Variants in KIF17 observed in about 807,000 individuals in gnomAD.
KIF17 encodes the protein kinesin family member 17.
A neutral mutation model predicts 96.8 loss-of-function variants in KIF17; 80 were observed. The ratio of observed to expected loss-of-function variants is 0.83; its 90% CI spans 0.69 to 1.00. KIF17 has a LOEUF of 1.00. Among genes scored for constraint, KIF17 ranks in the 50% least tolerant of loss-of-function variants. KIF17 has a pLI of 0.00. For missense variants in KIF17, 1,280 were observed against 1,372.9 expected (o/e 0.93, Z 1.07); for synonymous variants, 567 against 587.5 (o/e 0.97, Z 0.51).
In KIF17 at chr1:20,700,788, C is replaced by A. The variant is rs1351737290; in HGVS notation, c.1124-2300G>T. ...TAAACCAGCCGAACCCGAGTCCACA[C>A]CCCAAGCCACCTGCTGTATGTAACT... On this transcript the variant is annotated intron_variant, in intron 5 of 14. Transcript: ENST00000400463. This position sits in a 1 kb window ranked among gnomAD's most constrained non-coding sequence, Gnocchi z 4.6. Among the ~76,000 whole-genome samples, 2 of 152,122 alleles carry A rather than the reference C, an allele frequency of 1.3e-5. No individual in the cohort carries two copies. The highest frequency in any genetic ancestry group is 4.8e-5 in the African/African-American group (2 of 41,418).
rs763467780 is a variant in KIF17, at chr1:20,717,458, C to T, written c.231+18G>A. On this transcript the variant is annotated intron_variant, in intron 1 of 14. Coordinates refer to ENST00000400463, the MANE Select transcript of KIF17 (RefSeq NM_001122819.3). ...TCATGCCCTGCCGCCTGCAGGGCGGCCTGCCGGGCGCCCTCACCTCCACCA... is the reference window on the plus strand; with the variant it reads ...TCATGCCCTGCCGCCTGCAGGGCGGTCTGCCGGGCGCCCTCACCTCCACCA... 1 of 1,609,144 alleles carries T rather than the reference C, an allele frequency of 6.2e-7. No individual in the cohort carries two copies. Among genetic ancestry groups the T allele is most frequent in the Non-Finnish European group, 8.5e-7 (1 of 1,179,374 alleles).
intron 6 of KIF17, among the ~76,000 whole-genome samples, chr1:20,691,201 G>A (rs2054034082): frequency 6.6e-6 from 1 of 151,826 alleles, no homozygotes; most frequent in Non-Finnish European, 1.5e-5. Flanking sequence ...GCTGAGGCAT[G>A]AGACCACTTG....
At chr1:20,671,872 G>A in intron 12 of KIF17, 66 bp downstream of exon 12, 2 of 1,578,434 alleles carry the variant, frequency 1.3e-6, no homozygotes, top group East Asian at 2.2e-5. Flanking sequence ...CACACTCCCT[G>A]CCAGTCTGCA....
chr1:20,709,574 G>A lies in KIF17; in HGVS notation c.670+65C>T, dbSNP rs139351756. The A allele has an allele frequency of 2.5e-4, 393 of 1,578,578 alleles. 1 individual carries two copies. In the African/African-American group the frequency reaches 4.4e-3, roughly 18 times the overall value. On this transcript the variant is annotated intron_variant, in intron 4 of 14. Transcript: ENST00000400463. This position sits in a 1 kb window ranked among gnomAD's most constrained non-coding sequence, Gnocchi z 4.7. ...GGCTCCTGCGGCCCCGAGAGGTGGC[G>A]TGCCTTGGCTAGTGGGAGTGGCTGG...
downstream of KIF17, among the ~76,000 whole-genome samples, chr1:20,663,376 T>C (rs1375755166): frequency 2.6e-5 from 4 of 152,180 alleles, no homozygotes; most frequent in East Asian, 5.8e-4. Flanking sequence ...CCCAGGCATG[T>C]GGCTTGTGGG....
At chr1:20,703,985 G>A (rs1021219550) in intron 5 of KIF17, among the ~76,000 whole-genome samples, 6 of 152,110 alleles carry the variant, frequency 3.9e-5, no homozygotes, top group Non-Finnish European at 8.8e-5. Flanking sequence ...AATGCTCCAA[G>A]TGTGGATTTC....
intron 7 of KIF17, among the ~76,000 whole-genome samples, chr1:20,688,896 G>A (rs1204568442): frequency 3.3e-5 from 5 of 152,188 alleles, no homozygotes; most frequent in South Asian, 2.1e-4. Context: ...CCCTTGCAGC[G>A]GAGACAGGGC....
rs1206993626 is a variant in KIF17, at chr1:20,699,545, G to A, written c.1124-1057C>T. Reference sequence around the variant, plus strand: ...GGCGCCACTGCACTCCAGCCTGGGCGAAAGAGCAAGACTCCGTCTCAAAAA... The same window carrying A: ...GGCGCCACTGCACTCCAGCCTGGGCAAAAGAGCAAGACTCCGTCTCAAAAA... On this transcript the variant is annotated intron_variant, in intron 5 of 14. Coordinates refer to ENST00000400463, the MANE Select transcript of KIF17 (RefSeq NM_001122819.3). The surrounding 1 kb of genome is among the most constrained non-coding windows in gnomAD (Gnocchi z 4.3). 9.2e-5 allele frequency among the ~76,000 whole-genome samples: 14 copies of A among 152,198 alleles called. No homozygotes were observed. The highest frequency in any genetic ancestry group is 4.4e-5 in the Non-Finnish European group (3 of 68,038).
At chr1:20,691,949 C>T (rs2054046719) in intron 6 of KIF17, among the ~76,000 whole-genome samples, 1 of 152,218 alleles carries the variant, frequency 6.6e-6, no homozygotes, top group South Asian at 2.1e-4. Context: ...TCTTTGCTAT[C>T]ACTGCCAGCT....
Position 20,713,174 on chromosome 1 carries a change from T to C in KIF17, c.480+280A>G, listed in dbSNP as rs1570486344. Among the ~76,000 whole-genome samples the C allele has an allele frequency of 2.0e-5, 3 of 150,888 alleles. No homozygotes were observed. In the East Asian group the frequency reaches 5.9e-4, roughly 29 times the overall value. Reference sequence around the variant, plus strand: ...CCACGCCCAGCTAGTTTTTGTATTTTTAGTAGAGATGGGTTTTCACCATGT... The same window carrying C: ...CCACGCCCAGCTAGTTTTTGTATTTCTAGTAGAGATGGGTTTTCACCATGT... On this transcript the variant is annotated intron_variant, in intron 3 of 14. Coordinates refer to ENST00000400463, the MANE Select transcript of KIF17 (RefSeq NM_001122819.3).
intron 11 of KIF17, among the ~76,000 whole-genome samples, chr1:20,676,259 G>T (rs2053735350): frequency 6.6e-6 from 1 of 151,824 alleles, no homozygotes; most frequent in Non-Finnish European, 1.5e-5. Flanking sequence ...TTTAACAGTT[G>T]GTCAATTTGA....
chr1:20,713,448 A>G lies in KIF17; in HGVS notation c.480+6T>C. ...CCCCACCTGCCCACAATGGGTCTGC[A>G]CCCACCTCCAGCTTCTGCTTGGTGT... On this transcript the variant is annotated splice_donor_region_variant and intron_variant, in intron 3 of 14. Transcript: ENST00000400463. The G allele has an allele frequency of 6.2e-7, 1 of 1,609,356 alleles. No homozygotes were observed. Among genetic ancestry groups the G allele is most frequent in the African/African-American group, 1.3e-5 (1 of 74,722 alleles).
At chr1:20,689,391 CT>C (rs1433272003) in intron 7 of KIF17, among the ~76,000 whole-genome samples, 2 of 152,190 alleles carry the variant, frequency 1.3e-5, no homozygotes, top group Non-Finnish European at 2.9e-5. Flanking sequence ...TGGCTCATGC[CT>C]GTAAGCCCAG....
At position 20,717,556 on chromosome 1, in the gene KIF17, G is replaced by C. The variant is rs1369184277; in HGVS notation, c.151C>G (p.Gln51Glu). 6.2e-7 allele frequency: 1 copy of C among 1,611,336 alleles called. No individual in the cohort carries two copies. The highest frequency in any genetic ancestry group is 8.5e-7 in the Non-Finnish European group (1 of 1,179,450). ...TGGTAGGCGCCGTCGAAGGTGAACTGCTTGGGCGGCTCGTCGGCGGCGCCC... is the reference window on the plus strand; with the variant it reads ...TGGTAGGCGCCGTCGAAGGTGAACTCCTTGGGCGGCTCGTCGGCGGCGCCC... ...NPGAADEPPK[Q>E]FTFDGAYHVD... is the part of the protein sequence containing the mutation. The change falls in exon 1 of 15, where the codon CAG becomes GAG. Residue 51 changes from glutamine to glutamate, a missense_variant. Physicochemically the swap from Gln to Glu is conservative, Grantham distance 29 (BLOSUM62 2). Transcript: ENST00000400463.
chr1:20,679,595 C>A (rs2053795802), intron 11 of KIF17, among the ~76,000 whole-genome samples: 1 of 152,150 alleles, frequency 6.6e-6, no homozygotes, highest in Non-Finnish European at 1.5e-5. Context: ...CAGAGACATT[C>A]CACGCGTGAG....
At chr1:20,702,484 T>C (rs111340250) in intron 5 of KIF17, among the ~76,000 whole-genome samples, 1 of 151,874 alleles carries the variant, frequency 6.6e-6, no homozygotes, top group Non-Finnish European at 1.5e-5. Context: ...TGGGGGTGAG[T>C]AGGGTTGGGG....
chr1:20,712,840 AGATATAGAT>A (rs1358517596), intron 3 of KIF17, among the ~76,000 whole-genome samples: 1 of 15,734 alleles, frequency 6.4e-5, no homozygotes. Context: ...TCTATATTAT[AGATATAGAT>A]AATATTATCT....
At chr1:20,691,624 A>ATTTT (rs72410884) in intron 6 of KIF17, among the ~76,000 whole-genome samples, 2 of 122,990 alleles carry the variant, frequency 1.6e-5, no homozygotes, top group Non-Finnish European at 1.7e-5. Flanking sequence ...ACGTCTGGCT[A>ATTTT]TTTTTTTTTT....
Position 20,664,220 on chromosome 1 carries a change from G to T in KIF17, c.*364C>A. On this transcript the variant is annotated 3_prime_UTR_variant, in exon 15 of 15. Transcript: ENST00000400463. ...ATTGAGCTTCCTCCACGTGGCAGCTGCTGCCCTCTCCATCAGGGCTGGTGA... is the reference window on the plus strand; with the variant it reads ...ATTGAGCTTCCTCCACGTGGCAGCTTCTGCCCTCTCCATCAGGGCTGGTGA... The T allele has an allele frequency of 3.1e-6, 2 of 646,636 alleles. No individual in the cohort carries two copies. The highest frequency in any genetic ancestry group is 4.5e-6 in the Non-Finnish European group (2 of 447,742). 40.1% of individuals were successfully genotyped at this position (646,636 alleles called of 1,614,324 possible).
Sources: allele counts gnomAD v4.1 joint callset (sites outside exome capture counted in the v4.1 genomes callset), GRCh38; gene constraint gnomAD v4.1.1; non-coding constraint Gnocchi (gnomAD v3.1); transcripts MANE v1.5; gene names NCBI Gene and HGNC (gene_info 2026-07-23, HGNC 2026-07-21).